The following OR1B1 variants were observed in gnomAD, a reference collection of about 807,000 sequenced individuals.
OR1B1 encodes olfactory receptor family 1 subfamily B member 1.
For synonymous variants in OR1B1, 168 were observed against 156.2 expected, an observed-to-expected ratio of 1.08 and a Z score of -0.57; for missense variants, 414 against 402.1, an observed-to-expected ratio of 1.03 and a Z score of -0.25.
chr9:122,652,602 A>G, the OR1B1 span, among the ~76,000 whole-genome samples: 5 of 152,238 alleles, frequency 3.3e-5, no homozygotes, highest in Non-Finnish European at 5.9e-5. Flanking sequence ...TTAAATCTGT[A>G]TATTGATACA....
At chr9:122,629,712 A>G, upstream of OR1B1, 1 of 525,748 alleles carries the variant, frequency 1.9e-6, no homozygotes, top group Non-Finnish European at 3.3e-6. Context: ...TCGCTTCCTT[A>G]ATATGTATTT....
At chr9:122,634,863 TAAC>T in the OR1B1 span, among the ~76,000 whole-genome samples, 2,719 of 152,216 alleles carry the variant, frequency 0.018, 86 homozygotes, top group African/African-American at 0.063. Context: ...TTATGCGGAA[TAAC>T]AAGAAGAAAT....
At chr9:122,630,447 C>T (rs143220626), upstream of OR1B1, among the ~76,000 whole-genome samples, 1,689 of 152,290 alleles carry the variant, frequency 0.011, 22 homozygotes, top group African/African-American at 0.038. Context: ...TGTTAGTCCA[C>T]TATGACTATT....
At chr9:122,648,152 A>G in the OR1B1 span, among the ~76,000 whole-genome samples, 1 of 152,218 alleles carries the variant, frequency 6.6e-6, no homozygotes, top group East Asian at 1.9e-4. Context: ...TGATGAGAAA[A>G]TCCTCAATAA....
At chr9:122,649,744 AAAC>A in the OR1B1 span, among the ~76,000 whole-genome samples, 1 of 152,238 alleles carries the variant, frequency 6.6e-6, no homozygotes, top group African/African-American at 2.4e-5. Context: ...AAAAGTCGGG[AAAC>A]AACAGATGCT....
chr9:122,655,005 C>T, the OR1B1 span, among the ~76,000 whole-genome samples: 1 of 152,114 alleles, frequency 6.6e-6, no homozygotes, highest in Non-Finnish European at 1.5e-5. Context: ...TTTAATCATC[C>T]AGCATTGCAA....
At position 122,629,410 on chromosome 9, in the gene OR1B1, C is replaced by A. The variant is rs779467510; in HGVS notation, c.126G>T (p.Leu42=). ...TGAGCAGCACCAGTGTCACATTCCC[C>A]AGTATGGTGGTCAGGTAAATAGCCA... The change falls in exon 1 of 1, where the codon CTG becomes CTT. Residue 42 remains leucine, a synonymous_variant. Transcript: ENST00000623530. 5.6e-6 allele frequency: 9 copies of A among 1,613,862 alleles called. No individual in the cohort carries two copies. In the Admixed American group the frequency reaches 1.5e-4, roughly 27 times the overall value.
the OR1B1 span, among the ~76,000 whole-genome samples, chr9:122,646,528 CAAA>C: frequency 7.4e-6 from 1 of 135,510 alleles, no homozygotes. Context: ...CAATGAAGAC[CAAA>C]AAAAAAAAGA....
chr9:122,655,278 C>T, the OR1B1 span, among the ~76,000 whole-genome samples: 2 of 152,048 alleles, frequency 1.3e-5, no homozygotes, highest in Non-Finnish European at 2.9e-5. Context: ...AAATTTTCCC[C>T]ACAGATCTAT....
chr9:122,628,886 C>T (rs926916294), exon 1 of OR1B1: 2 of 1,614,088 alleles, frequency 1.2e-6, no homozygotes, highest in South Asian at 1.1e-5. Context: ...AATGAGGGCA[C>T]AGGGGCCCAG....
At chr9:122,655,568 C>T in the OR1B1 span, among the ~76,000 whole-genome samples, 1 of 151,902 alleles carries the variant, frequency 6.6e-6, no homozygotes. Context: ...AAGCCGTGAT[C>T]CTCAGCAAAC....
At chr9:122,635,216 T>G in the OR1B1 span, among the ~76,000 whole-genome samples, 2 of 152,326 alleles carry the variant, frequency 1.3e-5, no homozygotes, top group Non-Finnish European at 1.5e-5. Context: ...TTTTTTGTGA[T>G]AACATAAATG....
At chr9:122,657,437 T>C in the OR1B1 span, among the ~76,000 whole-genome samples, 1 of 152,194 alleles carries the variant, frequency 6.6e-6, no homozygotes, top group Non-Finnish European at 1.5e-5. Context: ...GTCCATGTTG[T>C]TCCTGCCTGT....
chr9:122,650,575 T>C, the OR1B1 span, among the ~76,000 whole-genome samples: 4 of 152,080 alleles, frequency 2.6e-5, no homozygotes, highest in African/African-American at 7.2e-5. Flanking sequence ...AAGAACTATA[T>C]TGGCCTCTGG....
At chr9:122,628,990 G>A in exon 1 of OR1B1, 1 of 1,613,934 alleles carries the variant, frequency 6.2e-7, no homozygotes, top group South Asian at 1.1e-5. Context: ...CACAAAAGAA[G>A]TGAGGAAGGT....
the OR1B1 span, among the ~76,000 whole-genome samples, chr9:122,635,748 G>A: frequency 3.3e-5 from 5 of 152,158 alleles, no homozygotes; most frequent in African/African-American, 1.2e-4. Flanking sequence ...TGAAGGAAAT[G>A]AATCCTCAGA....
At chr9:122,642,772 C>A in the OR1B1 span, among the ~76,000 whole-genome samples, 2 of 152,144 alleles carry the variant, frequency 1.3e-5, no homozygotes, top group Non-Finnish European at 2.9e-5. Context: ...ATAAGTAAAT[C>A]ATGATGTAAT....
At chr9:122,638,681 G>T in the OR1B1 span, among the ~76,000 whole-genome samples, 4 of 152,100 alleles carry the variant, frequency 2.6e-5, no homozygotes, top group African/African-American at 9.7e-5. Flanking sequence ...TAATCATCAG[G>T]CCTGTGCATT....
At chr9:122,637,904 T>C in the OR1B1 span, among the ~76,000 whole-genome samples, 1 of 152,200 alleles carries the variant, frequency 6.6e-6, no homozygotes, top group Admixed American at 6.5e-5. Flanking sequence ...AGTGATGGCA[T>C]TCTTCAGTGA....
Sources: allele counts gnomAD v4.1 joint callset (sites outside exome capture counted in the v4.1 genomes callset), GRCh38; gene constraint gnomAD v4.1.1; transcripts MANE v1.5; gene names NCBI Gene and HGNC (gene_info 2026-07-23, HGNC 2026-07-21).